IL1RAPL1: variants seen among roughly 807,000 people sequenced by gnomAD.
The protein encoded by IL1RAPL1 is interleukin-1 receptor accessory protein-like 1.
Under a neutral mutation model 48.4 loss-of-function variants are expected in IL1RAPL1, and 3 were observed. That is an observed-to-expected ratio of 0.06 (90% CI 0.03 to 0.16). The LOEUF is 0.16. IL1RAPL1 is among the 10% of genes least tolerant of loss of function. The pLI is 1.00. For missense variants in IL1RAPL1, 349 were observed against 530.6 expected, an observed-to-expected ratio of 0.66 and a Z score of 3.36; for synonymous variants, 185 against 187.7, an observed-to-expected ratio of 0.99 and a Z score of 0.12.
At chrX:29,838,863 G>C (rs1931072473) in intron 6 of IL1RAPL1, among the ~76,000 whole-genome samples, 2 of 112,140 alleles carry the variant, frequency 1.8e-5, no homozygotes, top group African/African-American at 6.5e-5. Flanking sequence ...TTTGGTCTCA[G>C]CTGGGGCTCA....
At chrX:29,917,412 A>G (rs1218444498) in intron 6 of IL1RAPL1, 52 bp from the exon 7 acceptor site, 16 of 1,153,007 alleles carry the variant, frequency 1.4e-5, no homozygotes, top group Non-Finnish European at 3.5e-6. Context: ...TTTGCCTAAA[A>G]TAAGTGTGAA....
intron 2 of IL1RAPL1, among the ~76,000 whole-genome samples, chrX:28,898,807 T>G (rs2147324945): frequency 9.1e-6 from 1 of 110,140 alleles, no homozygotes; most frequent in Admixed American, 9.7e-5. Context: ...GGACTTTTTT[T>G]TTGTTTATTT....
intron 6 of IL1RAPL1, among the ~76,000 whole-genome samples, chrX:29,785,726 A>G (rs1300220230): frequency 1.8e-5 from 2 of 112,039 alleles, no homozygotes; most frequent in Non-Finnish European, 3.8e-5. Flanking sequence ...TTAGCAATAA[A>G]AAGCAACAAA....
chrX:29,778,266 A>G (rs910421895), intron 6 of IL1RAPL1, among the ~76,000 whole-genome samples: 2 of 111,843 alleles, frequency 1.8e-5, no homozygotes, highest in Non-Finnish European at 3.8e-5. Flanking sequence ...CAAACACAAC[A>G]TATCCAGACT....
chrX:28,719,768 A>G (rs1173211409), intron 1 of IL1RAPL1, among the ~76,000 whole-genome samples: 2 of 111,217 alleles, frequency 1.8e-5, no homozygotes, highest in African/African-American at 6.5e-5. Context: ...AAGGTGTTAC[A>G]TCTTGTTGCT....
chrX:29,777,454 CAT>C (rs1328423165), intron 6 of IL1RAPL1, among the ~76,000 whole-genome samples: 3 of 111,643 alleles, frequency 2.7e-5, no homozygotes, highest in Non-Finnish European at 5.7e-5. Context: ...AATAGTTAAT[CAT>C]ATTTAATCAT....
chrX:29,359,031 A>C (rs951599867), intron 3 of IL1RAPL1, among the ~76,000 whole-genome samples: 1 of 111,087 alleles, frequency 9.0e-6, no homozygotes, highest in Admixed American at 9.6e-5. Context: ...TCAAAAAAAA[A>C]AACAACAATG....
chrX:29,280,194 ATAT>A (rs2147598206), intron 2 of IL1RAPL1, among the ~76,000 whole-genome samples: 1 of 112,126 alleles, frequency 8.9e-6, no homozygotes, highest in African/African-American at 3.2e-5. Context: ...GTTTTGATAA[ATAT>A]TATATGCAAT....
rs142170932 is a variant in IL1RAPL1 at position 29,883,140 on chromosome X, T to C, written c.779-34324T>C. Among the ~76,000 whole-genome samples, 1,076 of 111,805 alleles carry C rather than the reference T, an allele frequency of 9.6e-3. 16 individuals are homozygous for C. Among genetic ancestry groups the C allele is most frequent in the African/African-American group, 0.034 (1,032 of 30,789 alleles). On this transcript the variant is annotated intron_variant, in intron 6 of 10. Coordinates refer to ENST00000378993, the MANE Select transcript of IL1RAPL1 (RefSeq NM_014271.4). ...CTAGATTTTGCTAAACATATACAAC[T>C]GGTAGAAGCCTAATGTGCTGTTCCT...
intron 1 of IL1RAPL1, among the ~76,000 whole-genome samples, chrX:28,779,634 G>GTGTA (rs1374982138): frequency 2.6e-4 from 10 of 38,316 alleles, no homozygotes; most frequent in Admixed American, 3.1e-4. Flanking sequence ...GTGTGTGTGT[G>GTGTA]TATATATATA....
intron 2 of IL1RAPL1, among the ~76,000 whole-genome samples, chrX:29,066,277 T>A (rs998018747): frequency 8.9e-6 from 1 of 112,184 alleles, no homozygotes; most frequent in African/African-American, 3.2e-5. Flanking sequence ...GCTTGCAATG[T>A]CCTTCCTCAG....
intron 2 of IL1RAPL1, among the ~76,000 whole-genome samples, chrX:29,202,686 G>A (rs1930580201): frequency 8.9e-6 from 1 of 112,023 alleles, no homozygotes; most frequent in Non-Finnish European, 1.9e-5. Flanking sequence ...CCATAAAAAA[G>A]AATGAAATCA....
chrX:29,148,408 G>C (rs1929392646), intron 2 of IL1RAPL1, among the ~76,000 whole-genome samples: 1 of 111,747 alleles, frequency 8.9e-6, no homozygotes, highest in Admixed American at 9.6e-5. Context: ...CTGTTGTCAA[G>C]ATGGTATCTC....
chrX:28,708,591 G>A lies in IL1RAPL1; in HGVS notation c.-24-80729G>A, dbSNP rs1055887193. Among the ~76,000 whole-genome samples the A allele has an allele frequency of 3.6e-5, 4 of 111,813 alleles. No homozygotes were observed. In the South Asian group the frequency reaches 1.5e-3, roughly 42 times the overall value. ...CAAATGAATGGATAAAGAAAATGTG[G>A]TATATATACACATAAGGGAATACTA... On this transcript the variant is annotated intron_variant, in intron 1 of 10. Coordinates refer to ENST00000378993, the MANE Select transcript of IL1RAPL1 (RefSeq NM_014271.4).
chrX:29,526,067 G>C (rs1389613912), intron 5 of IL1RAPL1, among the ~76,000 whole-genome samples: 1 of 111,945 alleles, frequency 8.9e-6, no homozygotes, highest in Non-Finnish European at 1.9e-5. Flanking sequence ...TCTTCACAGA[G>C]GGAGGTAAAA....
intron 6 of IL1RAPL1, among the ~76,000 whole-genome samples, chrX:29,697,170 A>G (rs1393038743): frequency 1.8e-5 from 2 of 111,842 alleles, no homozygotes; most frequent in Non-Finnish European, 3.8e-5. Flanking sequence ...TCTGGCTTTG[A>G]ACACACACCT....
intron 2 of IL1RAPL1, among the ~76,000 whole-genome samples, chrX:29,156,384 A>T (rs1231305960): frequency 1.8e-5 from 2 of 112,130 alleles, no homozygotes; most frequent in African/African-American, 6.5e-5. Context: ...CTTAAACTCT[A>T]TCATAGATCA....
intron 2 of IL1RAPL1, among the ~76,000 whole-genome samples, chrX:29,064,911 G>A (rs1927422129): frequency 8.9e-6 from 1 of 111,786 alleles, no homozygotes; most frequent in Non-Finnish European, 1.9e-5. Context: ...AGAGTTTGGT[G>A]TAGTAATATT....
rs1264145504 is a variant in IL1RAPL1, at chrX:29,731,902, A to G, written c.778+63398A>G. Among the ~76,000 whole-genome samples, 15 of 112,391 alleles carry G rather than the reference A, an allele frequency of 1.3e-4. No individual in the cohort carries two copies. The Admixed American group carries it at 1.4e-3, about 11-fold the overall frequency. ...AGATCTTAAAGCAGAACCTGGAAAC[A>G]CTGGAAGCAGGACATAAATTCCTTT... On this transcript the variant is annotated intron_variant, in intron 6 of 10. Transcript: ENST00000378993.
Sources: allele counts gnomAD v4.1 joint callset (sites outside exome capture counted in the v4.1 genomes callset), GRCh38; gene constraint gnomAD v4.1.1; transcripts MANE v1.5; gene names NCBI Gene and HGNC (gene_info 2026-07-23, HGNC 2026-07-21).